KDM4B: variants seen among roughly 807,000 people sequenced by gnomAD.
KDM4B encodes lysine-specific demethylase 4B.
In KDM4B, 32 loss-of-function variants were observed where a neutral mutation model predicts 125.2. That is an observed-to-expected ratio of 0.26 (90% confidence interval 0.19 to 0.34). The LOEUF is 0.34. Among genes scored for constraint, KDM4B ranks in the 10% least tolerant of loss-of-function variants. The pLI is 1.00. For missense variants in KDM4B, 1,190 were observed against 1,577.7 expected, an observed-to-expected ratio of 0.75 and a Z score of 4.16; for synonymous variants, 721 against 677.9, an observed-to-expected ratio of 1.06 and a Z score of -0.99.
intron 1 of KDM4B, among the ~76,000 whole-genome samples, chr19:4,974,900 TC>T (rs2034392541): frequency 6.6e-6 from 1 of 152,000 alleles, no homozygotes; most frequent in African/African-American, 2.4e-5. Context: ...TGTGGCCTTG[TC>T]CTTCCTTCCT....
intron 1 of KDM4B, among the ~76,000 whole-genome samples, chr19:4,999,262 C>T (rs180858335): frequency 3.9e-5 from 6 of 152,298 alleles, no homozygotes; most frequent in Admixed American, 1.3e-4. Context: ...ACTGCCATCA[C>T]GATTGATCTG....
At chr19:5,025,906 CAG>C (rs561140484) in intron 2 of KDM4B, among the ~76,000 whole-genome samples, 1,811 of 151,850 alleles carry the variant, frequency 0.012, 18 homozygotes, top group Non-Finnish European at 0.017. Flanking sequence ...TTTTTTGAGA[CAG>C]AGTTTCACTC....
At chr19:5,139,282 C>T (rs1181989618) in intron 18 of KDM4B, among the ~76,000 whole-genome samples, 1 of 152,132 alleles carries the variant, frequency 6.6e-6, no homozygotes, top group African/African-American at 2.4e-5. Flanking sequence ...GGAGTTCCTT[C>T]TTTTCCTGGC....
rs2036514521 is a variant in KDM4B, at chr19:5,033,215, AT to A, written c.141+186del. Among the ~76,000 whole-genome samples the A allele has an allele frequency of 3.9e-5, 6 of 152,332 alleles. No individual in the cohort carries two copies. The South Asian group carries it at 1.2e-3, about 32-fold the overall frequency. On this transcript the variant is annotated intron_variant, in intron 3 of 22. Transcript: ENST00000159111. ...GAGTTCCAACAATGTGCCAGGCACC[AT>A]TCTAGGCACTGGAGTTGAGAAGTGG...
rs1001905866 is a variant in KDM4B, at chr19:5,082,027, G to T, written c.781-340G>T. Among the ~76,000 whole-genome samples, 3 of 152,166 alleles carry T rather than the reference G, an allele frequency of 2.0e-5. No homozygotes were observed. The highest frequency in any genetic ancestry group is 4.4e-5 in the Non-Finnish European group (3 of 68,028). On this transcript the variant is annotated intron_variant, in intron 8 of 22. Coordinates refer to ENST00000159111, the MANE Select transcript of KDM4B (RefSeq NM_015015.3). The surrounding 1 kb of genome is among the most constrained non-coding windows in gnomAD (Gnocchi z 5.4). Reference sequence around the variant, plus strand: ...GGTCCGGCTGGAGACACCCCCACGGGCATTGTGTCCAGCCACGGCTCCATC... The same window carrying T: ...GGTCCGGCTGGAGACACCCCCACGGTCATTGTGTCCAGCCACGGCTCCATC...
chr19:5,138,163 C>T (rs1440654295), intron 18 of KDM4B, 93 bp downstream of exon 18: 8 of 942,688 alleles, frequency 8.5e-6, no homozygotes, highest in Non-Finnish European at 1.3e-5. Context: ...AGCGGTCTTT[C>T]CTCCAAGCTC....
intron 9 of KDM4B, among the ~76,000 whole-genome samples, chr19:5,101,118 A>T (rs2038922570): frequency 6.7e-6 from 1 of 150,310 alleles, no homozygotes; most frequent in African/African-American, 2.4e-5. Flanking sequence ...GCTACTGGGG[A>T]GGCTGAGGTA....
At chr19:5,110,053 C>T (rs1363453925) in intron 9 of KDM4B, among the ~76,000 whole-genome samples, 19 of 152,210 alleles carry the variant, frequency 1.2e-4, no homozygotes. Context: ...GAACCTCAGG[C>T]CCCTCACTGA....
intron 9 of KDM4B, among the ~76,000 whole-genome samples, chr19:5,083,558 T>A (rs2038372726): frequency 6.6e-6 from 1 of 152,214 alleles, no homozygotes; most frequent in Non-Finnish European, 1.5e-5. Context: ...TTTTCCTGGC[T>A]GCCCCCAAGT....
intron 9 of KDM4B, among the ~76,000 whole-genome samples, chr19:5,091,077 C>T (rs1421590923): frequency 2.6e-5 from 4 of 152,200 alleles, no homozygotes; most frequent in South Asian, 4.1e-4. Context: ...AAAATGTGCA[C>T]GCAGCCGCCT....
chr19:5,052,537 C>T (rs1345689564), intron 6 of KDM4B, among the ~76,000 whole-genome samples: 2 of 152,166 alleles, frequency 1.3e-5, no homozygotes, highest in African/African-American at 4.8e-5. Flanking sequence ...TGCTCCCTTA[C>T]CCCTCTGCTG....
chr19:5,004,033 G>A (rs1187905231), intron 1 of KDM4B, among the ~76,000 whole-genome samples: 1 of 152,116 alleles, frequency 6.6e-6, no homozygotes, highest in African/African-American at 2.4e-5. Flanking sequence ...TTATTTTTTA[G>A]AGTTTGTGCA....
intron 6 of KDM4B, among the ~76,000 whole-genome samples, chr19:5,050,503 T>A (rs1289096806): frequency 6.6e-6 from 1 of 152,232 alleles, no homozygotes; most frequent in Non-Finnish European, 1.5e-5. Context: ...CTTGACCCTG[T>A]ATTCCAGGGT....
chr19:5,094,525 G>A (rs1295387415), intron 9 of KDM4B, among the ~76,000 whole-genome samples: 2 of 152,200 alleles, frequency 1.3e-5, no homozygotes, highest in Non-Finnish European at 2.9e-5. Context: ...GGCGTGGATG[G>A]CCGCCGTCTA....
intron 6 of KDM4B, among the ~76,000 whole-genome samples, chr19:5,065,938 C>T (rs561971711): frequency 3.3e-5 from 5 of 152,306 alleles, no homozygotes; most frequent in East Asian, 3.9e-4. Flanking sequence ...GGTCTCAGCT[C>T]GCTGGCTGAG....
intron 15 of KDM4B, among the ~76,000 whole-genome samples, chr19:5,136,819 C>T (rs1024982067): frequency 9.2e-5 from 14 of 152,332 alleles, no homozygotes; most frequent in African/African-American, 1.7e-4. Context: ...GGGCATGATT[C>T]GGCCTTTTGT....
At chr19:5,013,770 A>G (rs1252906657) in intron 1 of KDM4B, among the ~76,000 whole-genome samples, 1 of 152,204 alleles carries the variant, frequency 6.6e-6, no homozygotes, top group East Asian at 1.9e-4. Flanking sequence ...CCCTGTTGCC[A>G]TGGAAGGTGA....
rs1003593804 is a variant in KDM4B, at chr19:5,035,549, G to A, written c.141+2518G>A. 5.3e-5 allele frequency among the ~76,000 whole-genome samples: 8 copies of A among 152,118 alleles called. No individual in the cohort carries two copies. The highest frequency in any genetic ancestry group is 3.4e-3 in the Middle Eastern group (1 of 294). ...TGTCCTCCCCCGCGCTGGCACCTCC[G>A]CTTCGTCCCTCCCTCCCTCTGCCTC... On this transcript the variant is annotated intron_variant, in intron 3 of 22. Coordinates refer to ENST00000159111, the MANE Select transcript of KDM4B (RefSeq NM_015015.3). The surrounding 1 kb of genome is among the most constrained non-coding windows in gnomAD (Gnocchi z 5.3).
rs2034248750 is a variant in KDM4B, at chr19:4,971,251, T to G, written c.-109+2021T>G. 6.6e-6 allele frequency among the ~76,000 whole-genome samples: 1 copy of G among 152,140 alleles called. No homozygotes were observed. Among genetic ancestry groups the G allele is most frequent in the Admixed American group, 6.6e-5 (1 of 15,256 alleles). ...CCACCGCACAGCACCCCGCCTGGCC[T>G]TTGTTGTACTTTTCTGTCTCGTGGA... is the stretch of plus-strand genomic sequence containing the variant. On this transcript the variant is annotated intron_variant, in intron 1 of 22. Coordinates refer to ENST00000159111, the MANE Select transcript of KDM4B (RefSeq NM_015015.3). The surrounding 1 kb of genome is among the most constrained non-coding windows in gnomAD (Gnocchi z 4.1).
Sources: gnomAD v4.1 joint callset for allele counts (sites outside exome capture counted in the v4.1 genomes callset) on GRCh38, gnomAD v4.1.1 for gene constraint, Gnocchi (gnomAD v3.1) non-coding constraint, MANE v1.5 for transcripts, NCBI Gene and HGNC (gene_info 2026-07-23, HGNC 2026-07-21) for gene names.